RB1CC1: variants seen among roughly 807,000 people sequenced by gnomAD.
RB1CC1 encodes RB1 inducible coiled-coil 1.
In RB1CC1, 46 loss-of-function variants were observed where a neutral mutation model predicts 177.5. That is an observed-to-expected ratio of 0.26 (90% CI 0.20 to 0.33). The LOEUF (loss-of-function observed/expected upper bound fraction) is 0.33, where lower values mean the gene tolerates loss of function less well. Among genes scored for constraint, RB1CC1 ranks in the 10% least tolerant of loss-of-function variants. The pLI is 1.00. For synonymous variants in RB1CC1, 666 were observed against 613.6 expected, an observed-to-expected ratio of 1.09 and a Z score of -1.26; for missense variants, 1,703 against 1,816.3, an observed-to-expected ratio of 0.94 and a Z score of 1.13.
intron 1 of RB1CC1, among the ~76,000 whole-genome samples, chr8:52,702,553 T>C (rs751993982): frequency 6.6e-6 from 1 of 151,996 alleles, no homozygotes; most frequent in Non-Finnish European, 1.5e-5. Context: ...CCATCTCTAC[T>C]GAAAATACAA....
Position 52,657,086 on chromosome 8 carries a change from A to C in RB1CC1, c.2743T>G (p.Leu915Val). The C allele has an allele frequency of 6.2e-7, 1 of 1,610,942 alleles. No homozygotes were observed. The highest frequency in any genetic ancestry group is 8.5e-7 in the Non-Finnish European group (1 of 1,179,162). The change falls in exon 15 of 24, where the codon TTG (leucine) becomes GTG (valine). Residue 915 changes from leucine (L) to valine (V), a missense_variant. Physicochemically the swap from Leu to Val is conservative, Grantham distance 32. Around this residue, in one of 6 missense-constraint regions of RB1CC1, gnomAD observed 1,169 missense variants for 1,184.7 expected, o/e 0.99. Transcript: ENST00000025008. ...ACAGCTTCTTTTTCATGTTTAACCA[A>C]AGCAAATTCATTATCTTTATTTTGT... Reference protein sequence around the residue: ...VLQNKDNEFALVKHEKEAVIC... With the variant: ...VLQNKDNEFAVVKHEKEAVIC...
chr8:52,651,110 T>C (rs1850533683), intron 15 of RB1CC1, among the ~76,000 whole-genome samples: 1 of 152,198 alleles, frequency 6.6e-6, no homozygotes, highest in Non-Finnish European at 1.5e-5. Flanking sequence ...CATATGGGAA[T>C]AGATCTAATG....
chr8:52,683,334 A>G (rs1447661093), intron 5 of RB1CC1, among the ~76,000 whole-genome samples: 3 of 152,220 alleles, frequency 2.0e-5, no homozygotes, highest in African/African-American at 7.2e-5. Context: ...TCATGTTAAG[A>G]CAGCTTTTCC....
At chr8:52,652,952 G>C (rs1162457796) in intron 15 of RB1CC1, among the ~76,000 whole-genome samples, 2 of 152,106 alleles carry the variant, frequency 1.3e-5, no homozygotes, top group Non-Finnish European at 2.9e-5. Flanking sequence ...AGCTACTCAG[G>C]AGGCTGAGGC....
chr8:52,656,600 A>T lies in RB1CC1; in HGVS notation c.3229T>A (p.Leu1077Met). 6.2e-7 allele frequency: 1 copy of T among 1,613,176 alleles called. No individual in the cohort carries two copies. Among genetic ancestry groups the T allele is most frequent in the Non-Finnish European group, 8.5e-7 (1 of 1,179,614 alleles). Residue 1077 changes from leucine to methionine, a missense_variant, in exon 15 of 24, where the codon TTG becomes ATG. Coordinates refer to ENST00000025008, the MANE Select transcript of RB1CC1 (RefSeq NM_014781.5). ...KEAETDEIKI[L>M]LEESRAQQKE... ...TGCTGGGCTCTGCTTTCTTCCAGCA[A>T]AATTTTTATTTCATCAGTTTCTGCT... is the stretch of plus-strand genomic sequence containing the variant.
rs202103777 is a variant in RB1CC1 at position 52,642,489 on chromosome 8, G to A, written c.4199C>T (p.Ser1400Leu). The change falls in exon 18 of 24, where the codon TCA becomes TTA. Residue 1400 changes from serine to leucine, a missense_variant. This residue lies in a region of RB1CC1 where 1,169 missense variants were observed against 1,184.7 expected (regional missense o/e 0.99). Transcript: ENST00000025008. ...TTCTGGGGCTGTAGCTACATATGGT[G>A]AAGGAACAAAACTGCTACTACGCAA... ...SKLRSSSFVPSPYVATAPELY... is the reference protein window; with the variant it reads ...SKLRSSSFVPLPYVATAPELY... 9.3e-6 allele frequency: 15 copies of A among 1,614,056 alleles called. No individual in the cohort carries two copies. Among genetic ancestry groups the A allele is most frequent in the Non-Finnish European group, 1.3e-5 (15 of 1,179,978 alleles).
intron 22 of RB1CC1, 143 bp downstream of exon 22, chr8:52,627,887 AAT>A (rs1848504818): frequency 1.6e-6 from 1 of 641,812 alleles, no homozygotes. Flanking sequence ...TAATCTAGAT[AAT>A]ACAGATTTTA....
intron 15 of RB1CC1, among the ~76,000 whole-genome samples, chr8:52,652,076 T>A (rs1483972337): frequency 6.6e-6 from 1 of 152,226 alleles, no homozygotes; most frequent in African/African-American, 2.4e-5. Flanking sequence ...GGTTGGATTT[T>A]TTTTCATATA....
chr8:52,660,752 G>T, intron 11 of RB1CC1, 95 bp from the exon 12 acceptor site: 1 of 1,232,798 alleles, frequency 8.1e-7, no homozygotes, highest in Non-Finnish European at 1.1e-6. Flanking sequence ...AAAGTTGACA[G>T]TACTTCAAGT....
intron 15 of RB1CC1, among the ~76,000 whole-genome samples, chr8:52,652,322 T>G (rs2150451982): frequency 6.6e-6 from 1 of 151,984 alleles, no homozygotes; most frequent in South Asian, 2.1e-4. Context: ...ACAAATTAGC[T>G]GGGCGTGGTG....
intron 7 of RB1CC1, among the ~76,000 whole-genome samples, chr8:52,669,906 A>C (rs1852404991): frequency 6.6e-6 from 1 of 152,212 alleles, no homozygotes; most frequent in Non-Finnish European, 1.5e-5. Flanking sequence ...TGCACTGACA[A>C]ACATAGGAGA....
chr8:52,639,721 T>C (rs1849418755), intron 18 of RB1CC1, among the ~76,000 whole-genome samples: 5 of 152,188 alleles, frequency 3.3e-5, no homozygotes. Context: ...TCTACTGACA[T>C]GACTCTATAA....
At chr8:52,625,530 C>G (rs138331474) in intron 22 of RB1CC1, among the ~76,000 whole-genome samples, 19 of 152,258 alleles carry the variant, frequency 1.2e-4, no homozygotes, top group African/African-American at 4.3e-4. Flanking sequence ...ACTACAGATG[C>G]CTTTCAACTT....
At chr8:52,683,044 T>C (rs1411946301) in intron 5 of RB1CC1, among the ~76,000 whole-genome samples, 1 of 152,190 alleles carries the variant, frequency 6.6e-6, no homozygotes, top group Non-Finnish European at 1.5e-5. Flanking sequence ...ACTGATAGCT[T>C]AATGTCAATG....
chr8:52,686,735 C>A (rs1854306583), intron 2 of RB1CC1, 118 bp downstream of exon 2: 2 of 314,342 alleles, frequency 6.4e-6, no homozygotes, highest in South Asian at 2.8e-5. Flanking sequence ...CCACATAAGC[C>A]TTAGAGAATT....
At chr8:52,650,184 A>C (rs998001340) in intron 15 of RB1CC1, among the ~76,000 whole-genome samples, 2 of 152,232 alleles carry the variant, frequency 1.3e-5, no homozygotes, top group African/African-American at 4.8e-5. Context: ...TCCTCACATA[A>C]GCATCTTTCT....
chr8:52,684,092 A>C, intron 3 of RB1CC1, 79 bp from the exon 4 acceptor site: 1 of 1,466,252 alleles, frequency 6.8e-7, no homozygotes, highest in Non-Finnish European at 9.1e-7. Flanking sequence ...CTATGTAAAA[A>C]CACCTTAGAG....
At chr8:52,684,458 T>TA (rs1854059930) in intron 3 of RB1CC1, among the ~76,000 whole-genome samples, 1 of 152,206 alleles carries the variant, frequency 6.6e-6, no homozygotes, top group South Asian at 2.1e-4. Flanking sequence ...ACACTATTTA[T>TA]AATAATTCCA....
intron 1 of RB1CC1, among the ~76,000 whole-genome samples, chr8:52,702,227 A>T (rs1458879289): frequency 6.6e-6 from 1 of 152,212 alleles, no homozygotes; most frequent in Non-Finnish European, 1.5e-5. Context: ...AATTAGTTAA[A>T]TACTCTGTAT....
Sources: allele counts gnomAD v4.1 joint callset (sites outside exome capture counted in the v4.1 genomes callset), GRCh38; gene constraint gnomAD v4.1.1; regional missense constraint gnomAD v4.1.1; transcripts MANE v1.5; gene names NCBI Gene and HGNC (gene_info 2026-07-23, HGNC 2026-07-21).